The following TAOK3 variants were observed in gnomAD, a reference collection of about 807,000 sequenced individuals.
TAOK3 encodes the protein TAO kinase 3, also known as serine/threonine-protein kinase TAO3.
TAOK3 carries 40 observed loss-of-function variants against 120.4 expected under a neutral mutation model. The ratio of observed to expected loss-of-function variants is 0.33; its 90% CI spans 0.26 to 0.43. The LOEUF (loss-of-function observed/expected upper bound fraction) is 0.43. Among genes scored for constraint, TAOK3 ranks in the 20% least tolerant of loss-of-function variants. The pLI is 1.00. For synonymous variants in TAOK3, 355 were observed against 387.5 expected (o/e 0.92, Z 0.99); for missense variants, 821 against 1,112.1 (o/e 0.74, Z 3.72).
intron 1 of TAOK3, among the ~76,000 whole-genome samples, chr12:118,338,858 T>TG (rs1420462973): frequency 7.0e-6 from 1 of 143,156 alleles, no homozygotes; most frequent in African/African-American, 2.6e-5. Flanking sequence ...CTGAGGGAAC[T>TG]GGGGAGGCTT....
chr12:118,272,886 G>A (rs2041767618), intron 1 of TAOK3, among the ~76,000 whole-genome samples: 1 of 152,014 alleles, frequency 6.6e-6, no homozygotes, highest in African/African-American at 2.4e-5. Flanking sequence ...TGAGGTGGGA[G>A]GATTGCTTGA....
chr12:118,369,043 C>A (rs547249893), intron 1 of TAOK3, among the ~76,000 whole-genome samples: 4 of 149,402 alleles, frequency 2.7e-5, no homozygotes, highest in Non-Finnish European at 5.9e-5. Context: ...GAAGAAAAAG[C>A]CAGGCGTGAT....
chr12:118,191,840 T>G (rs1180580644), intron 13 of TAOK3, among the ~76,000 whole-genome samples: 3 of 152,182 alleles, frequency 2.0e-5, no homozygotes, highest in African/African-American at 7.2e-5. Context: ...AGCTCTTAAA[T>G]GCCAGTAATC....
intron 1 of TAOK3, among the ~76,000 whole-genome samples, chr12:118,285,324 T>C (rs2140458613): frequency 6.6e-6 from 1 of 152,128 alleles, no homozygotes; most frequent in East Asian, 1.9e-4. Context: ...ATTACAGGCG[T>C]GAGCCACTGT....
intron 1 of TAOK3, among the ~76,000 whole-genome samples, chr12:118,269,249 C>T (rs903147381): frequency 2.0e-5 from 3 of 151,880 alleles, no homozygotes; most frequent in African/African-American, 4.8e-5. Context: ...GCAACCTCCA[C>T]CTCCCAGGTT....
Position 118,160,328 on chromosome 12 carries a change from G to C in TAOK3, c.2170C>G (p.Gln724Glu). ...AMEMQIKKQF[Q>E]DTCKVQTKQY... Reference sequence around the variant, plus strand: ...TTGGTCTGTACTTTGCAAGTGTCCTGAAACTGTTTTTTAATTTGCATTTCC... The same window carrying C: ...TTGGTCTGTACTTTGCAAGTGTCCTCAAACTGTTTTTTAATTTGCATTTCC... Residue 724 changes from glutamine (Q) to glutamate (E), a missense_variant, in exon 19 of 21, where the codon CAG (glutamine) becomes GAG (glutamate). Coordinates refer to ENST00000392533, the MANE Select transcript of TAOK3 (RefSeq NM_016281.4). The surrounding 1 kb of genome is among the most constrained non-coding windows in gnomAD (Gnocchi z 4.2). 1 of 1,614,084 alleles carries C rather than the reference G, an allele frequency of 6.2e-7. No individual in the cohort carries two copies. The highest frequency in any genetic ancestry group is 2.2e-5 in the East Asian group (1 of 44,880).
chr12:118,186,977 T>C (rs758361840), intron 14 of TAOK3, among the ~76,000 whole-genome samples: 25 of 152,186 alleles, frequency 1.6e-4, no homozygotes, highest in Non-Finnish European at 3.2e-4. Context: ...TTGAAAGTGA[T>C]ACTAAGGGGG....
intron 13 of TAOK3, among the ~76,000 whole-genome samples, chr12:118,194,975 C>T (rs1250219294): frequency 6.6e-6 from 1 of 152,158 alleles, no homozygotes; most frequent in Non-Finnish European, 1.5e-5. Context: ...TCTCGAACTC[C>T]TGAACTCTTG....
intron 1 of TAOK3, among the ~76,000 whole-genome samples, chr12:118,362,869 A>G (rs887720505): frequency 2.6e-5 from 4 of 152,050 alleles, no homozygotes; most frequent in African/African-American, 9.6e-5. Context: ...AACACAAAAC[A>G]CTAGCTGGGT....
At chr12:118,242,302 T>G (rs904919471) in intron 5 of TAOK3, among the ~76,000 whole-genome samples, 1 of 152,204 alleles carries the variant, frequency 6.6e-6, no homozygotes, top group Non-Finnish European at 1.5e-5. Context: ...ATTTTCAGAA[T>G]GGAAGCAATA....
chr12:118,369,286 G>T (rs537942677), intron 1 of TAOK3, among the ~76,000 whole-genome samples: 33 of 152,236 alleles, frequency 2.2e-4, no homozygotes, highest in Admixed American at 9.8e-4. Flanking sequence ...TGAAACAAAT[G>T]AAAAAATTTT....
At chr12:118,197,736 G>A (rs1276293083) in intron 13 of TAOK3, among the ~76,000 whole-genome samples, 1 of 128,260 alleles carries the variant, frequency 7.8e-6, no homozygotes, top group Non-Finnish European at 1.6e-5. Flanking sequence ...TGCCCAAGCT[G>A]GAGTGCAGTG....
intron 1 of TAOK3, among the ~76,000 whole-genome samples, chr12:118,313,083 A>C (rs1200102813): frequency 6.6e-6 from 1 of 152,198 alleles, no homozygotes; most frequent in Non-Finnish European, 1.5e-5. Context: ...AGTTAAAAGC[A>C]AACAAAATGA....
intron 1 of TAOK3, among the ~76,000 whole-genome samples, chr12:118,273,782 C>T (rs968317976): frequency 2.6e-5 from 4 of 152,234 alleles, no homozygotes; most frequent in Non-Finnish European, 4.4e-5. Flanking sequence ...TGCCATTGCA[C>T]TCCAGCCTGG....
chr12:118,320,848 T>C (rs1426654866), intron 1 of TAOK3, among the ~76,000 whole-genome samples: 1 of 152,172 alleles, frequency 6.6e-6, no homozygotes, highest in Non-Finnish European at 1.5e-5. Flanking sequence ...AATTACAGCA[T>C]GGTTTGTAAT....
At chr12:118,322,312 C>CAAA (rs372010412) in intron 1 of TAOK3, among the ~76,000 whole-genome samples, 16 of 65,826 alleles carry the variant, frequency 2.4e-4, no homozygotes, top group Non-Finnish European at 4.1e-4. Flanking sequence ...GAGACTGTCT[C>CAAA]AAAAAAAAAA....
At chr12:118,356,348 G>A (rs1167930440) in intron 1 of TAOK3, among the ~76,000 whole-genome samples, 1 of 132,712 alleles carries the variant, frequency 7.5e-6, no homozygotes, top group African/African-American at 2.9e-5. Flanking sequence ...CGCTCAGGTT[G>A]GAGTGCAGTG....
intron 1 of TAOK3, among the ~76,000 whole-genome samples, chr12:118,321,190 T>C (rs2043688493): frequency 6.6e-6 from 1 of 152,172 alleles, no homozygotes; most frequent in African/African-American, 2.4e-5. Context: ...CTAAGTTGTA[T>C]ATTACTATAT....
At chr12:118,178,992 A>T (rs1004844720) in intron 15 of TAOK3, among the ~76,000 whole-genome samples, 1 of 152,138 alleles carries the variant, frequency 6.6e-6, no homozygotes, top group African/African-American at 2.4e-5. Context: ...TTTCACCTGC[A>T]ACTTCCATGA....
Sources: gnomAD v4.1 joint callset for allele counts (sites outside exome capture counted in the v4.1 genomes callset) on GRCh38, gnomAD v4.1.1 for gene constraint, Gnocchi (gnomAD v3.1) non-coding constraint, MANE v1.5 for transcripts, NCBI Gene and HGNC (gene_info 2026-07-23, HGNC 2026-07-21) for gene names.